HECTD2: variants seen among roughly 807,000 people sequenced by gnomAD.
HECTD2 encodes the protein HECT domain E3 ubiquitin protein ligase 2, also known as probable E3 ubiquitin-protein ligase HECTD2.
Under a neutral mutation model 103.2 loss-of-function variants are expected in HECTD2, and 35 were observed. The observed-to-expected ratio is 0.34, with a 90% CI of 0.26 to 0.45. HECTD2 has a LOEUF of 0.45. Among genes scored for constraint, HECTD2 ranks in the 20% least tolerant of loss-of-function variants. HECTD2 has a pLI of 1.00. For synonymous variants in HECTD2, 281 were observed against 329.9 expected (o/e 0.85, Z 1.61); for missense variants, 596 against 937.4 (o/e 0.64, Z 4.76).
chr10:91,427,851 C>A (rs1843640007), intron 2 of HECTD2, among the ~76,000 whole-genome samples: 1 of 151,946 alleles, frequency 6.6e-6, no homozygotes. Context: ...ATGGTAGTTT[C>A]TTTTGCTGTG....
At position 91,479,857 on chromosome 10, in the gene HECTD2, T is replaced by C. The variant is rs139653131; in HGVS notation, c.666-1237T>C. On this transcript the variant is annotated intron_variant, in intron 6 of 20. Coordinates refer to ENST00000298068, the MANE Select transcript of HECTD2 (RefSeq NM_182765.6). ...CCTAATTTAATAAATGAAAAGTGGA[T>C]CTCATTTTTATGTACTTTTCCTTAA... Among the ~76,000 whole-genome samples the C allele has an allele frequency of 3.4e-3, 522 of 152,242 alleles. 3 individuals are homozygous for C. The highest frequency in any genetic ancestry group is 7.0e-3 in the South Asian group (34 of 4,826).
chr10:91,500,852 T>A (rs558053843), intron 19 of HECTD2, among the ~76,000 whole-genome samples: 5 of 152,198 alleles, frequency 3.3e-5, no homozygotes, highest in Non-Finnish European at 7.4e-5. Flanking sequence ...ATTTTACTTT[T>A]AAAAAAATGA....
intron 18 of HECTD2, 114 bp downstream of exon 18, chr10:91,499,264 ACT>A: frequency 1.6e-6 from 1 of 628,412 alleles, no homozygotes; most frequent in Non-Finnish European, 2.6e-6. Context: ...AATATTTTCT[ACT>A]TTTTAAAAGT....
intron 20 of HECTD2, among the ~76,000 whole-genome samples, chr10:91,504,536 GATGAAATGA>G (rs1393309251): frequency 3.3e-5 from 5 of 152,310 alleles, no homozygotes; most frequent in African/African-American, 9.6e-5. Context: ...AGCAATGGAA[GATGAAATGA>G]ATGAAATGAA....
At chr10:91,449,288 C>CA (rs1013286557) in intron 2 of HECTD2, among the ~76,000 whole-genome samples, 8 of 152,014 alleles carry the variant, frequency 5.3e-5, no homozygotes, top group East Asian at 1.9e-4. Context: ...GAACCAATGA[C>CA]AAAAAACACT....
chr10:91,487,733 C>G lies in HECTD2; in HGVS notation c.1146C>G (p.Ile382Met). ...TTATTTCTGTAGCTGCAAAAAAAATCATTATTCAGAGAGACTCAGAGCAAC... is the reference window on the plus strand; with the variant it reads ...TTATTTCTGTAGCTGCAAAAAAAATGATTATTCAGAGAGACTCAGAGCAAC... ...PFVISVAAKKIIIQRDSEQQM... is the reference protein window; with the variant it reads ...PFVISVAAKKMIIQRDSEQQM... The change falls in exon 11 of 21, where the codon ATC (isoleucine) becomes ATG (methionine). Residue 382 changes from isoleucine to methionine, a missense_variant. Physicochemically the swap from Ile to Met is conservative, Grantham distance 10. Around this residue, in one of 4 missense-constraint regions of HECTD2, gnomAD observed 303 missense variants for 522.5 expected, o/e 0.58. Transcript: ENST00000298068. This position sits in a 1 kb window ranked among gnomAD's most constrained non-coding sequence, Gnocchi z 4.1. The G allele has an allele frequency of 6.2e-7, 1 of 1,612,222 alleles. No homozygotes were observed. Among genetic ancestry groups the G allele is most frequent in the Non-Finnish European group, 8.5e-7 (1 of 1,178,732 alleles).
At chr10:91,414,026 A>G (rs1303843066) in intron 1 of HECTD2, among the ~76,000 whole-genome samples, 1 of 152,234 alleles carries the variant, frequency 6.6e-6, no homozygotes, top group Non-Finnish European at 1.5e-5. Context: ...TGTATTACAC[A>G]TGTTTAAAAA....
At chr10:91,415,289 T>G (rs1271858274) in intron 1 of HECTD2, among the ~76,000 whole-genome samples, 1 of 151,898 alleles carries the variant, frequency 6.6e-6, no homozygotes. Context: ...AAAAATGTTG[T>G]GCTCTTTGTT....
In HECTD2 at chr10:91,505,147, G is replaced by A. The variant is rs796174801; in HGVS notation, c.2210+3813G>A. Among the ~76,000 whole-genome samples, 211 of 151,712 alleles carry A rather than the reference G, an allele frequency of 1.4e-3. 2 individuals carry two copies. The highest frequency in any genetic ancestry group is 3.5e-3 in the African/African-American group (145 of 41,324). On this transcript the variant is annotated intron_variant, in intron 20 of 20. Coordinates refer to ENST00000298068, the MANE Select transcript of HECTD2 (RefSeq NM_182765.6). ...GCACTAAACATGGAAAGGAACAACC[G>A]GTACCAGCCGCTGCAAAATCATGCC... is the stretch of plus-strand genomic sequence containing the variant.
At chr10:91,506,633 T>C (rs1467551396) in intron 20 of HECTD2, among the ~76,000 whole-genome samples, 1 of 151,734 alleles carries the variant, frequency 6.6e-6, no homozygotes, top group East Asian at 1.9e-4. Context: ...CAATAATCAA[T>C]AGCTTACCAA....
chr10:91,439,314 C>T (rs1259464631), intron 2 of HECTD2, among the ~76,000 whole-genome samples: 1 of 152,132 alleles, frequency 6.6e-6, no homozygotes, highest in Non-Finnish European at 1.5e-5. Context: ...GTTTTCCCAG[C>T]ACCATTTATT....
At chr10:91,503,526 T>A (rs1847000292) in intron 20 of HECTD2, among the ~76,000 whole-genome samples, 1 of 152,134 alleles carries the variant, frequency 6.6e-6, no homozygotes, top group South Asian at 2.1e-4. Context: ...GGACAGCACC[T>A]GGAAAATCGG....
At chr10:91,456,340 G>A (rs921876553) in intron 2 of HECTD2, among the ~76,000 whole-genome samples, 5 of 152,086 alleles carry the variant, frequency 3.3e-5, no homozygotes, top group Non-Finnish European at 7.4e-5. Flanking sequence ...TGAAGCAATT[G>A]TGAATGGGAG....
Position 91,410,395 on chromosome 10 carries a change from T to G in HECTD2, c.-44T>G, listed in dbSNP as rs1842863254. 1 of 1,315,228 alleles carries G rather than the reference T, an allele frequency of 7.6e-7. No homozygotes were observed. Among genetic ancestry groups the G allele is most frequent in the Admixed American group, 3.8e-5 (1 of 26,352 alleles). 81.5% of individuals were successfully genotyped at this position (1,315,228 alleles called of 1,614,324 possible). A position where few individuals can be genotyped will look rare whatever the true frequency, so the allele number is the denominator to read the frequency against. On this transcript the variant is annotated 5_prime_UTR_variant, in exon 1 of 21. Transcript: ENST00000298068. ...GCAGCAGCGCCAGCCCCAGCAACAC[T>G]GAGGCCGCCGCCGCCGCCTGGCGCT...
At chr10:91,429,784 T>C (rs1266944820) in intron 2 of HECTD2, among the ~76,000 whole-genome samples, 2 of 152,210 alleles carry the variant, frequency 1.3e-5, no homozygotes, top group African/African-American at 4.8e-5. Context: ...TCTTTATTAG[T>C]CTTGCTAGCG....
At chr10:91,488,647 T>C (rs1361868566) in intron 11 of HECTD2, 1 of 152,148 alleles carries the variant, frequency 6.6e-6, no homozygotes, top group East Asian at 1.9e-4. Context: ...AAAGCATAAA[T>C]TGTAATACTT....
chr10:91,423,250 C>T (rs1032161281), intron 1 of HECTD2, among the ~76,000 whole-genome samples: 9 of 152,052 alleles, frequency 5.9e-5, no homozygotes, highest in Non-Finnish European at 1.0e-4. Context: ...GAGTTTGAAT[C>T]CTGGCTTCCC....
At position 91,484,614 on chromosome 10, in the gene HECTD2, C is replaced by G. The variant is rs748455082; in HGVS notation, c.929C>G (p.Ser310Cys). 21 of 1,611,588 alleles carry G rather than the reference C, an allele frequency of 1.3e-5. No individual in the cohort carries two copies. In the South Asian group the frequency reaches 2.2e-4, roughly 17 times the overall value. Residue 310 changes from serine to cysteine, a missense_variant, in exon 9 of 21, where the codon TCC becomes TGC. By Grantham distance (112) the Ser-to-Cys change is moderately radical (BLOSUM62 -1). Transcript: ENST00000298068. ...GAATTTCCACCTATAACAAAGTGTT[C>G]CTGGTGGATTCCATCAGCCGCTAAA... ...PEEFPPITKC[S>C]WWIPSAAKVL...
chr10:91,411,616 C>T (rs1842919992), intron 1 of HECTD2, among the ~76,000 whole-genome samples: 1 of 152,200 alleles, frequency 6.6e-6, no homozygotes, highest in Admixed American at 6.5e-5. Context: ...GAATAATTTT[C>T]GGATTCGGTA....
Sources: gnomAD v4.1 joint callset for allele counts (sites outside exome capture counted in the v4.1 genomes callset) on GRCh38, gnomAD v4.1.1 for gene constraint, gnomAD v4.1.1 regional missense constraint, Gnocchi (gnomAD v3.1) non-coding constraint, MANE v1.5 for transcripts, NCBI Gene and HGNC (gene_info 2026-07-23, HGNC 2026-07-21) for gene names.